The following GRK2 variants were observed in gnomAD, a reference collection of about 807,000 sequenced individuals.
GRK2 encodes the protein adrenergic beta receptor kinase 1.
GRK2 carries 23 observed loss-of-function variants against 97.8 expected under a neutral mutation model. That is an observed-to-expected ratio of 0.24 (90% confidence interval 0.17 to 0.33). The LOEUF (loss-of-function observed/expected upper bound fraction) is 0.33, where lower values mean the gene tolerates loss of function less well. Among genes scored for constraint, GRK2 ranks in the 10% least tolerant of loss-of-function variants. The probability of loss-of-function intolerance (pLI) is 1.00; values close to 1 mark genes in which losing one functional copy is unlikely to be tolerated. For synonymous variants in GRK2, 425 were observed against 381.7 expected, an observed-to-expected ratio of 1.11 and a Z score of -1.32; for missense variants, 633 against 956.9, an observed-to-expected ratio of 0.66 and a Z score of 4.47.
chr11:67,273,169 T>G (rs745769138), intron 1 of GRK2, among the ~76,000 whole-genome samples: 1 of 152,240 alleles, frequency 6.6e-6, no homozygotes, highest in Non-Finnish European at 1.5e-5. Context: ...ACTGGACATT[T>G]CAAGTTTGTG....
intron 16 of GRK2, 37 bp downstream of exon 16, chr11:67,283,810 G>A: frequency 6.2e-7 from 1 of 1,607,114 alleles, no homozygotes; most frequent in Non-Finnish European, 8.5e-7. Context: ...GTGCTCTGCA[G>A]CCCCACCCCC....
At chr11:67,277,451 C>A in intron 2 of GRK2, 103 bp downstream of exon 2, 1 of 1,072,720 alleles carries the variant, frequency 9.3e-7, no homozygotes, top group Non-Finnish European at 1.4e-6. Context: ...GGCCTCCCAT[C>A]CACTCAGGGT....
intron 18 of GRK2, 31 bp downstream of exon 18, chr11:67,284,404 C>G: frequency 6.2e-7 from 1 of 1,607,218 alleles, no homozygotes; most frequent in Non-Finnish European, 8.5e-7. Flanking sequence ...CGGCACCAGG[C>G]CCCTGCCTGC....
At chr11:67,283,019 T>C in intron 14 of GRK2, 109 bp from the exon 15 acceptor site, 1 of 1,239,356 alleles carries the variant, frequency 8.1e-7, no homozygotes. Flanking sequence ...GCTAGGATGC[T>C]GTGCCCCATC....
Position 67,285,586 on chromosome 11 carries a change from G to A in GRK2, c.*136G>A. 1 of 1,184,260 alleles carries A rather than the reference G, an allele frequency of 8.4e-7. No homozygotes were observed. Among genetic ancestry groups the A allele is most frequent in the Non-Finnish European group, 1.1e-6 (1 of 881,768 alleles). The allele number at this position is 1,184,260 out of a possible 1,614,324, so 73.4% of individuals were successfully genotyped here. A position where few individuals can be genotyped will look rare whatever the true frequency, so the allele number is the denominator to read the frequency against. ...GCCCCAGCCTGGCCCAGCTCCCCCG[G>A]GAGGGGCCCGCTTGCCTCGGCTCCT... On this transcript the variant is annotated 3_prime_UTR_variant, in exon 21 of 21. Transcript: ENST00000308595.
chr11:67,281,770 C>T lies in GRK2; in HGVS notation c.826+42C>T, dbSNP rs1264386461. On this transcript the variant is annotated intron_variant, in intron 10 of 20. Coordinates refer to ENST00000308595, the MANE Select transcript of GRK2 (RefSeq NM_001619.5). The surrounding 1 kb of genome is among the most constrained non-coding windows in gnomAD (Gnocchi z 5.7). ...CCCTAGGGTGGGCCGGGCCCAGGCA[C>T]GGGAGGCTGGGGCAAGACACTGAGT... 9.9e-6 allele frequency: 16 copies of T among 1,613,612 alleles called. No individual in the cohort carries two copies. The highest frequency in any genetic ancestry group is 1.6e-4 in the Middle Eastern group (1 of 6,062).
chr11:67,279,746 C>A (rs1223666897), intron 5 of GRK2, 46 bp downstream of exon 5: 1 of 1,612,538 alleles, frequency 6.2e-7, no homozygotes, highest in Non-Finnish European at 8.5e-7. Flanking sequence ...CCTTGGACAG[C>A]CCCTGGTCAA....
chr11:67,266,846 C>T, intron 1 of GRK2, 34 bp downstream of exon 1: 2 of 1,079,536 alleles, frequency 1.9e-6, no homozygotes, highest in Non-Finnish European at 2.4e-6. Context: ...CCGGCCCGAC[C>T]CCGCGGGCGC....
At position 67,279,912 on chromosome 11, in the gene GRK2, G is replaced by C; in HGVS notation, c.503+12G>C. 1 of 1,613,542 alleles carries C rather than the reference G, an allele frequency of 6.2e-7. No individual in the cohort carries two copies. The highest frequency in any genetic ancestry group is 8.5e-7 in the Non-Finnish European group (1 of 1,179,690). ...AAATTCATTGAGAGGTGAGAGCAGG[G>C]AAGTGTGGGAGAGGAAGGGGGAGGG... On this transcript the variant is annotated intron_variant, in intron 6 of 20. Coordinates refer to ENST00000308595, the MANE Select transcript of GRK2 (RefSeq NM_001619.5).
chr11:67,271,025 G>A (rs1411342385), intron 1 of GRK2: 1 of 152,282 alleles, frequency 6.6e-6, no homozygotes, highest in East Asian at 1.9e-4. Context: ...TTGGCAGAGG[G>A]ACTGAGTGCT....
intron 1 of GRK2, among the ~76,000 whole-genome samples, chr11:67,270,513 G>A (rs1239839238): frequency 6.6e-6 from 1 of 151,998 alleles, no homozygotes; most frequent in African/African-American, 2.4e-5. Context: ...TCCTGCCCTC[G>A]ATTTGTGGGG....
Position 67,286,278 on chromosome 11 carries a change from A to C in GRK2, c.*828A>C. 1 of 623,260 alleles carries C rather than the reference A, an allele frequency of 1.6e-6. No individual in the cohort carries two copies. Among genetic ancestry groups the C allele is most frequent in the Non-Finnish European group, 2.9e-6 (1 of 348,420 alleles). The allele number at this position is 623,260 out of a possible 1,614,324, so 38.6% of individuals were successfully genotyped here. On this transcript the variant is annotated 3_prime_UTR_variant, in exon 21 of 21. Transcript: ENST00000308595. Reference sequence around the variant, plus strand: ...ACAGCAAGGAGGCTGGCTGGGGCCTATCAGTGTGCCCCCCATCCTGGCCCA... The same window carrying C: ...ACAGCAAGGAGGCTGGCTGGGGCCTCTCAGTGTGCCCCCCATCCTGGCCCA...
rs1381279717 is a variant in GRK2 at position 67,283,130 on chromosome 11, C to T, written c.1230C>T (p.Ala410=). The change falls in exon 15 of 21, where the codon GCC becomes GCT. Residue 410 remains alanine, a splice_region_variant and synonymous_variant. Coordinates refer to ENST00000308595, the MANE Select transcript of GRK2 (RefSeq NM_001619.5). ...TAATGTCCCACTCCTCTCTAAAGGC[C>T]GTGGAGCTGCCCGACTCCTTCTCCC... The part of the protein sequence containing the change: ...HEIDRMTLTM[A]VELPDSFSPE... 10 of 1,613,716 alleles carry T rather than the reference C, an allele frequency of 6.2e-6. No individual in the cohort carries two copies. Among genetic ancestry groups the T allele is most frequent in the African/African-American group, 2.7e-5 (2 of 74,938 alleles).
intron 7 of GRK2, 35 bp downstream of exon 7, chr11:67,280,818 C>T: frequency 1.9e-6 from 3 of 1,610,066 alleles, no homozygotes; most frequent in Non-Finnish European, 2.5e-6. Flanking sequence ...GAAAGCCACG[C>T]ACCCTGCTGC....
chr11:67,282,619 G>A lies in GRK2; in HGVS notation c.1160+77G>A. On this transcript the variant is annotated intron_variant, in intron 13 of 20. Transcript: ENST00000308595. This position sits in a 1 kb window ranked among gnomAD's most constrained non-coding sequence, Gnocchi z 6.9. ...TCCCCAATCCAGGTGGGATGCCAAA[G>A]GAGGGGAGCCCATAGCTGCCTTGGT... 6.4e-7 allele frequency: 1 copy of A among 1,566,936 alleles called. No individual in the cohort carries two copies.
chr11:67,284,114 A>G, intron 17 of GRK2, 97 bp from the exon 18 acceptor site: 5 of 1,530,078 alleles, frequency 3.3e-6, no homozygotes, highest in Non-Finnish European at 4.5e-6. Context: ...TGCACTGACC[A>G]TCCCTACCCA....
In GRK2 at chr11:67,281,586, G is replaced by A. The variant is rs767621947; in HGVS notation, c.747+28G>A. On this transcript the variant is annotated intron_variant, in intron 9 of 20. Coordinates refer to ENST00000308595, the MANE Select transcript of GRK2 (RefSeq NM_001619.5). This position sits in a 1 kb window ranked among gnomAD's most constrained non-coding sequence, Gnocchi z 5.7. ...GAGCTGGGTGGGCCGGGCTGCCGCTGAGGCTCTGGAACCCCGGGCGCCCCT... is the reference window on the plus strand; with the variant it reads ...GAGCTGGGTGGGCCGGGCTGCCGCTAAGGCTCTGGAACCCCGGGCGCCCCT... The A allele has an allele frequency of 2.5e-6, 4 of 1,611,592 alleles. No individual in the cohort carries two copies. The highest frequency in any genetic ancestry group is 1.7e-5 in the Admixed American group (1 of 59,990).
At chr11:67,283,274 G>C in intron 15 of GRK2, 46 bp downstream of exon 15, 1 of 1,533,634 alleles carries the variant, frequency 6.5e-7, no homozygotes, top group East Asian at 2.2e-5. Context: ...GTGCCCCCAT[G>C]AGGACAAGGG....
At chr11:67,274,986 A>G (rs569943319) in intron 1 of GRK2, among the ~76,000 whole-genome samples, 30 of 152,088 alleles carry the variant, frequency 2.0e-4, no homozygotes, top group Admixed American at 1.7e-3. Flanking sequence ...CAAAGCAGTC[A>G]TAGGATGCGA....
Sources: gnomAD v4.1 joint callset for allele counts (sites outside exome capture counted in the v4.1 genomes callset) on GRCh38, gnomAD v4.1.1 for gene constraint, Gnocchi (gnomAD v3.1) non-coding constraint, MANE v1.5 for transcripts, NCBI Gene and HGNC (gene_info 2026-07-23, HGNC 2026-07-21) for gene names.